Variants in FXYD7 observed in about 807,000 individuals in gnomAD.
FXYD7 encodes FXYD domain-containing ion transport regulator 7.
A neutral mutation model predicts 15.3 loss-of-function variants in FXYD7; 7 were observed. The observed-to-expected ratio is 0.46, with a 90% CI of 0.26 to 0.86. FXYD7 has a LOEUF of 0.86. Ranked by LOEUF, FXYD7 falls within the 40% of genes least tolerant of loss-of-function variation. The pLI is 0.16. For synonymous variants in FXYD7, 39 were observed against 39.3 expected, an observed-to-expected ratio of 0.99 and a Z score of 0.03; for missense variants, 78 against 100.6, an observed-to-expected ratio of 0.78 and a Z score of 0.96.
intron 1 of FXYD7, among the ~76,000 whole-genome samples, chr19:35,148,411 A>G (rs975685477): frequency 1.3e-5 from 2 of 152,226 alleles, no homozygotes; most frequent in Admixed American, 6.5e-5. Flanking sequence ...AGACCTCCAT[A>G]GGGGTCCAGA....
intron 2 of FXYD7, chr19:35,149,055 A>T: frequency 1.9e-6 from 1 of 513,834 alleles, no homozygotes; most frequent in South Asian, 1.5e-5. Flanking sequence ...TGCCTTATCC[A>T]CTCACTAGCT....
chr19:35,153,430 G>T (rs1407954484), intron 5 of FXYD7, among the ~76,000 whole-genome samples: 1 of 152,190 alleles, frequency 6.6e-6, no homozygotes, highest in Non-Finnish European at 1.5e-5. Flanking sequence ...CAGCATGGGG[G>T]TTGGCCTTGT....
Position 35,143,345 on chromosome 19 carries a change from G to A in FXYD7, c.12G>A (p.Pro4=). Residue 4 remains proline (P), a synonymous_variant, in exon 1 of 6, where the codon CCG becomes CCA. Coordinates refer to ENST00000270310, the MANE Select transcript of FXYD7 (RefSeq NM_022006.2). The surrounding 1 kb of genome is among the most constrained non-coding windows in gnomAD (Gnocchi z 4.3). The part of the protein sequence containing the change: MAT[P]TQTPTKAPEE... The stretch of plus-strand genomic sequence containing the variant: ...TGCTCCGGCCCAGCATGGCGACCCC[G>A]ACCCAGACCCCCACAAAGGGTGAGC... 1 of 1,523,636 alleles carries A rather than the reference G, an allele frequency of 6.6e-7. No individual in the cohort carries two copies. The highest frequency in any genetic ancestry group is 8.8e-7 in the Non-Finnish European group (1 of 1,137,506). The allele number at this position is 1,523,636 out of a possible 1,614,324, so 94.4% of individuals were successfully genotyped here. A position where few individuals can be genotyped will look rare whatever the true frequency, so the allele number is the denominator to read the frequency against.
chr19:35,146,214 T>A (rs1201407882), intron 1 of FXYD7, among the ~76,000 whole-genome samples: 1 of 152,062 alleles, frequency 6.6e-6, no homozygotes, highest in Non-Finnish European at 1.5e-5. Context: ...CTTGGCTTAC[T>A]GCAACCTCTG....
In FXYD7 at chr19:35,143,652, C is replaced by T. The variant is rs572223452; in HGVS notation, c.31+288C>T. On this transcript the variant is annotated intron_variant, in intron 1 of 5. Transcript: ENST00000270310. The surrounding 1 kb of genome is among the most constrained non-coding windows in gnomAD (Gnocchi z 4.3). ...GCTATGGCAACCGGGTGGCTGGTCC[C>T]GCACCGTGGTGGTAGCAGACGGGGA... Among the ~76,000 whole-genome samples, 1 of 152,076 alleles carries T rather than the reference C, an allele frequency of 6.6e-6. No individual in the cohort carries two copies. Among genetic ancestry groups the T allele is most frequent in the Admixed American group, 6.5e-5 (1 of 15,300 alleles).
At chr19:35,145,497 C>T (rs943075088) in intron 1 of FXYD7, among the ~76,000 whole-genome samples, 1 of 152,220 alleles carries the variant, frequency 6.6e-6, no homozygotes, top group African/African-American at 2.4e-5. Context: ...TGAGACAATC[C>T]ACCTTTTACA....
chr19:35,148,863 C>A, intron 2 of FXYD7, 140 bp downstream of exon 2: 1 of 810,396 alleles, frequency 1.2e-6, no homozygotes. Context: ...GGGTGTGGTT[C>A]ACATCAGCTG....
rs138712887 is a variant in FXYD7, at chr19:35,151,464, C to A, written c.161C>A (p.Ala54Glu). 38 of 1,614,144 alleles carry A rather than the reference C, an allele frequency of 2.4e-5. No homozygotes were observed. The Admixed American group carries it at 6.2e-4, about 26-fold the overall frequency. The change falls in exon 4 of 6, where the codon GCG (alanine) becomes GAG (glutamate). Residue 54 changes from alanine (A) to glutamate (E), a missense_variant. Coordinates refer to ENST00000270310, the MANE Select transcript of FXYD7 (RefSeq NM_022006.2). ...GGCAAGAAGGTGAAGTGCAGGAAGG[C>A]GGACTCCAGGTCTGAGAGGTCTGGC... The part of the protein sequence containing the change: ...VISKKVKCRK[A>E]DSRSESPTCK...
chr19:35,147,962 C>T (rs1422038200), intron 1 of FXYD7, among the ~76,000 whole-genome samples: 3 of 150,130 alleles, frequency 2.0e-5, no homozygotes, highest in Non-Finnish European at 4.4e-5. Context: ...CACTGCACTC[C>T]AGCCTGGGTG....
At chr19:35,146,540 G>A (rs2065289515) in intron 1 of FXYD7, among the ~76,000 whole-genome samples, 2 of 152,278 alleles carry the variant, frequency 1.3e-5, no homozygotes, top group Middle Eastern at 3.4e-3. Flanking sequence ...CCAGGAAATG[G>A]GGATGAAGAT....
intron 5 of FXYD7, 132 bp downstream of exon 5, chr19:35,151,805 G>A: frequency 4.0e-6 from 3 of 742,582 alleles, no homozygotes; most frequent in Admixed American, 3.9e-5. Flanking sequence ...GATATCACAG[G>A]ACAATTCCCT....
chr19:35,147,217 C>T (rs765044100), intron 1 of FXYD7, among the ~76,000 whole-genome samples: 15 of 152,280 alleles, frequency 9.9e-5, no homozygotes, highest in Non-Finnish European at 2.1e-4. Context: ...TTCTACTCAC[C>T]GTTCCTTGGC....
chr19:35,148,069 AAGAAAGAAAGAAAGAAAGAAAGAAAG>A (rs2065296303), intron 1 of FXYD7, among the ~76,000 whole-genome samples: 1 of 142,918 alleles, frequency 7.0e-6, no homozygotes, highest in Admixed American at 6.9e-5. Flanking sequence ...GAAAGAAAGA[AAGAAAGAAAGAAAGAAAGAAAGAAAG>A]AGAGAGAGAA....
intron 1 of FXYD7, among the ~76,000 whole-genome samples, chr19:35,146,416 C>A (rs530754131): frequency 2.8e-4 from 43 of 152,298 alleles, no homozygotes; most frequent in Admixed American, 1.5e-3. Context: ...GGATTACAGG[C>A]ATGAATCACT....
At chr19:35,151,726 G>A (rs1471101894) in intron 5 of FXYD7, 53 bp downstream of exon 5, 8 of 1,374,180 alleles carry the variant, frequency 5.8e-6, no homozygotes, top group Non-Finnish European at 8.3e-6. Flanking sequence ...GGGCAGGGAA[G>A]GGAACCCTCA....
At chr19:35,145,001 T>C (rs1600490629) in intron 1 of FXYD7, among the ~76,000 whole-genome samples, 1 of 151,262 alleles carries the variant, frequency 6.6e-6, no homozygotes, top group Non-Finnish European at 1.5e-5. Context: ...GAGTTAGGAG[T>C]GAACAGAAGA....
chr19:35,149,981 A>G (rs1467044297), intron 2 of FXYD7, among the ~76,000 whole-genome samples: 1 of 152,074 alleles, frequency 6.6e-6, no homozygotes, highest in Non-Finnish European at 1.5e-5. Flanking sequence ...CAGTAGCACA[A>G]TCTCGGCTCA....
chr19:35,146,150 T>G (rs2065288291), intron 1 of FXYD7, among the ~76,000 whole-genome samples: 1 of 151,850 alleles, frequency 6.6e-6, no homozygotes, highest in South Asian at 2.1e-4. Context: ...TCTTCTTTTT[T>G]TTTTTGAGAC....
intron 2 of FXYD7, among the ~76,000 whole-genome samples, chr19:35,149,867 G>A (rs1190385459): frequency 4.6e-5 from 7 of 152,206 alleles, no homozygotes; most frequent in Admixed American, 4.6e-4. Context: ...GGCTGAGGCA[G>A]GAGGATCGCT....
Sources: gnomAD v4.1 joint callset for allele counts (sites outside exome capture counted in the v4.1 genomes callset) on GRCh38, gnomAD v4.1.1 for gene constraint, Gnocchi (gnomAD v3.1) non-coding constraint, MANE v1.5 for transcripts, NCBI Gene and HGNC (gene_info 2026-07-23, HGNC 2026-07-21) for gene names.